The following MAGI2 variants were observed in gnomAD, a reference collection of about 807,000 sequenced individuals.
The protein encoded by MAGI2 is membrane associated guanylate kinase, WW and PDZ domain containing 2.
MAGI2 carries 35 observed loss-of-function variants against 133.3 expected under a neutral mutation model. The observed-to-expected ratio is 0.26, with a 90% CI of 0.20 to 0.35. The LOEUF is 0.35. Among genes scored for constraint, MAGI2 ranks in the 10% least tolerant of loss-of-function variants. The pLI is 1.00. For missense variants in MAGI2, 1,636 were observed against 1,863.4 expected (o/e 0.88, Z 2.25); for synonymous variants, 729 against 710.6 (o/e 1.03, Z -0.41).
rs1021367967 is a variant in MAGI2 at position 79,092,816 on chromosome 7, G to A, written c.302-85610C>T. ...CTTATTTTTATCTCTTTTCAGGCTAGGCATCACTACATCAACCCCTAATGT... is the reference window on the plus strand; with the variant it reads ...CTTATTTTTATCTCTTTTCAGGCTAAGCATCACTACATCAACCCCTAATGT... On this transcript the variant is annotated intron_variant, in intron 1 of 21. Coordinates refer to ENST00000354212, the MANE Select transcript of MAGI2 (RefSeq NM_012301.4). Among the ~76,000 whole-genome samples the A allele has an allele frequency of 3.3e-5, 5 of 152,128 alleles. No homozygotes were observed. The East Asian group carries it at 9.7e-4, about 29-fold the overall frequency.
chr7:78,196,646 T>C (rs1828766353), intron 11 of MAGI2, among the ~76,000 whole-genome samples: 1 of 152,192 alleles, frequency 6.6e-6, no homozygotes, highest in Non-Finnish European at 1.5e-5. Flanking sequence ...GCACATGTGC[T>C]GTGTAACACC....
At chr7:78,958,841 T>C (rs1322618463) in intron 2 of MAGI2, among the ~76,000 whole-genome samples, 1 of 152,148 alleles carries the variant, frequency 6.6e-6, no homozygotes, top group Non-Finnish European at 1.5e-5. Context: ...GATATAGAGT[T>C]CACTATTTTT....
chr7:78,406,821 G>C (rs1408661012), intron 6 of MAGI2, among the ~76,000 whole-genome samples: 1 of 152,070 alleles, frequency 6.6e-6, no homozygotes, highest in Non-Finnish European at 1.5e-5. Context: ...ATCTGGAAGA[G>C]TGAAAGGGAT....
In MAGI2 at chr7:79,180,401, G is replaced by A. The variant is rs145707844; in HGVS notation, c.302-173195C>T. Among the ~76,000 whole-genome samples, 357 of 152,120 alleles carry A rather than the reference G, an allele frequency of 2.3e-3. 4 individuals carry two copies. The highest frequency in any genetic ancestry group is 5.2e-3 in the Admixed American group (80 of 15,280). On this transcript the variant is annotated intron_variant, in intron 1 of 21. Coordinates refer to ENST00000354212, the MANE Select transcript of MAGI2 (RefSeq NM_012301.4). ...CCTCACAATCATGGCCGAAGGCAAG[G>A]AGGAACAGGTCACATCTTATGTGGA... is the stretch of plus-strand genomic sequence containing the variant.
intron 9 of MAGI2, among the ~76,000 whole-genome samples, chr7:78,264,936 A>C (rs561513900): frequency 3.3e-5 from 5 of 152,292 alleles, no homozygotes; most frequent in Non-Finnish European, 7.3e-5. Flanking sequence ...AAAAGTAGCC[A>C]GTGACTCCAA....
At chr7:78,464,058 T>C (rs1406520446) in intron 6 of MAGI2, among the ~76,000 whole-genome samples, 1 of 152,220 alleles carries the variant, frequency 6.6e-6, no homozygotes, top group Non-Finnish European at 1.5e-5. Flanking sequence ...TATTGCAGTA[T>C]CTGATATACT....
chr7:78,957,264 C>CAAA (rs1187620956), intron 2 of MAGI2, among the ~76,000 whole-genome samples: 26 of 42,582 alleles, frequency 6.1e-4, no homozygotes, highest in Middle Eastern at 0.017. Flanking sequence ...GACTCCATCT[C>CAAA]AAAAAAAAAA....
At chr7:79,190,627 T>C (rs1244531683) in intron 1 of MAGI2, among the ~76,000 whole-genome samples, 2 of 151,878 alleles carry the variant, frequency 1.3e-5, no homozygotes, top group Non-Finnish European at 2.9e-5. Flanking sequence ...TTCTCATACA[T>C]ATTGCAAACA....
chr7:78,446,960 A>C (rs1246912760), intron 6 of MAGI2, among the ~76,000 whole-genome samples: 4 of 152,058 alleles, frequency 2.6e-5, no homozygotes, highest in Non-Finnish European at 5.9e-5. Flanking sequence ...CACAGTTGGC[A>C]GTTTCTCAGA....
At chr7:78,456,308 C>T (rs537824328) in intron 6 of MAGI2, among the ~76,000 whole-genome samples, 2 of 152,172 alleles carry the variant, frequency 1.3e-5, no homozygotes, top group African/African-American at 4.8e-5. Flanking sequence ...GCCATATTAA[C>T]CCTGGGACAT....
At position 79,122,292 on chromosome 7, in the gene MAGI2, T is replaced by C. The variant is rs564063991; in HGVS notation, c.302-115086A>G. ...AAAATCTCAGCCATACCTCTACACA[T>C]GTCTCTCCAACTATCAGTCATTCAT... On this transcript the variant is annotated intron_variant, in intron 1 of 21. Transcript: ENST00000354212. Among the ~76,000 whole-genome samples the C allele has an allele frequency of 2.8e-4, 43 of 152,284 alleles. 1 individual carries two copies. The South Asian group carries it at 8.1e-3, about 29-fold the overall frequency.
chr7:78,571,080 G>A (rs17373046), intron 3 of MAGI2, among the ~76,000 whole-genome samples: 1 of 152,004 alleles, frequency 6.6e-6, no homozygotes, highest in Non-Finnish European at 1.5e-5. Context: ...TTATCTCCTC[G>A]AAGTGAAATG....
intron 21 of MAGI2, among the ~76,000 whole-genome samples, chr7:78,063,192 A>G (rs1813454527): frequency 6.6e-6 from 1 of 152,076 alleles, no homozygotes; most frequent in Non-Finnish European, 1.5e-5. Flanking sequence ...GTGACATCTG[A>G]TTATATAAAC....
At chr7:79,228,557 C>A (rs917867844) in intron 1 of MAGI2, among the ~76,000 whole-genome samples, 2 of 151,912 alleles carry the variant, frequency 1.3e-5, no homozygotes, top group Non-Finnish European at 2.9e-5. Flanking sequence ...AAAATGTTCT[C>A]CTAGCCCAGT....
intron 3 of MAGI2, among the ~76,000 whole-genome samples, chr7:78,537,989 G>A (rs6974204): frequency 1.3e-5 from 2 of 151,992 alleles, no homozygotes; most frequent in Non-Finnish European, 2.9e-5. Flanking sequence ...AGATTTAAGT[G>A]TTTCTTCTAT....
Position 78,127,215 on chromosome 7 carries a change from C to T in MAGI2, c.3405G>A (p.Ser1135=), listed in dbSNP as rs753271350. ...HSPDTRQYPL[S]DYRQPQDFDY... ...GAGGTACCTGGGGTTGTCTGTAGTC[C>T]GACAGAGGGTACTGCCTGGTGTCGG... is the stretch of plus-strand genomic sequence containing the variant. Residue 1135 remains serine, a synonymous_variant, in exon 19 of 22, where the codon TCG becomes TCA. Coordinates refer to ENST00000354212, the MANE Select transcript of MAGI2 (RefSeq NM_012301.4). 3.1e-5 allele frequency: 49 copies of T among 1,589,230 alleles called. No individual in the cohort carries two copies. Among genetic ancestry groups the T allele is most frequent in the Admixed American group, 2.5e-4 (14 of 55,624 alleles).
At position 78,588,574 on chromosome 7, in the gene MAGI2, C is replaced by G. The variant is rs563706712; in HGVS notation, c.538+38546G>C. Among the ~76,000 whole-genome samples the G allele has an allele frequency of 2.6e-3, 398 of 152,264 alleles. 5 individuals carry two copies. The highest frequency in any genetic ancestry group is 2.0e-3 in the Non-Finnish European group (139 of 68,016). On this transcript the variant is annotated intron_variant, in intron 3 of 21. Coordinates refer to ENST00000354212, the MANE Select transcript of MAGI2 (RefSeq NM_012301.4). ...CCACTCAGGTGCATTCATGCCCAAC[C>G]CAGAGAGGACTGTGGGCTTGGTGCA... is the stretch of plus-strand genomic sequence containing the variant.
At chr7:79,156,699 A>G (rs1585067712) in intron 1 of MAGI2, among the ~76,000 whole-genome samples, 1 of 152,136 alleles carries the variant, frequency 6.6e-6, no homozygotes, top group African/African-American at 2.4e-5. Flanking sequence ...TATAAAACCA[A>G]GCTGTACCCT....
chr7:79,358,496 G>T (rs183679876), intron 1 of MAGI2, among the ~76,000 whole-genome samples: 69 of 152,176 alleles, frequency 4.5e-4, no homozygotes, highest in African/African-American at 1.5e-3. Context: ...TAGATAAAAG[G>T]TTCTGAAAAT....
Sources: gnomAD v4.1 joint callset for allele counts (sites outside exome capture counted in the v4.1 genomes callset) on GRCh38, gnomAD v4.1.1 for gene constraint, MANE v1.5 for transcripts, NCBI Gene and HGNC (gene_info 2026-07-23, HGNC 2026-07-21) for gene names.